Variants in PLA2R1 observed in about 807,000 individuals in gnomAD.
The protein encoded by PLA2R1 is phospholipase A2 receptor 1, also known as secretory phospholipase A2 receptor.
In PLA2R1, 158 loss-of-function variants were observed where a neutral mutation model predicts 195.9. That is an observed-to-expected ratio of 0.81 (90% CI 0.71 to 0.92). The LOEUF is 0.92. Among genes scored for constraint, PLA2R1 ranks in the 40% least tolerant of loss-of-function variants. The pLI, the probability that PLA2R1 is intolerant of heterozygous loss-of-function variation, is 0.00. For missense variants in PLA2R1, 1,626 were observed against 1,764.6 expected (o/e 0.92, Z 1.41); for synonymous variants, 586 against 598.2 (o/e 0.98, Z 0.30).
chr2:159,947,957 G>A (rs910496113), intron 25 of PLA2R1, among the ~76,000 whole-genome samples: 2 of 152,198 alleles, frequency 1.3e-5, no homozygotes, highest in Non-Finnish European at 2.9e-5. Flanking sequence ...ATGCAGTGCT[G>A]TGTATCACAG....
At chr2:159,960,739 A>T (rs1052427316) in intron 20 of PLA2R1, among the ~76,000 whole-genome samples, 2 of 152,222 alleles carry the variant, frequency 1.3e-5, no homozygotes, top group Non-Finnish European at 2.9e-5. Context: ...ATTATCAAAC[A>T]CAGAGAAAAC....
Position 160,019,061 on chromosome 2 carries a change from A to C in PLA2R1, c.1452+1045T>G, listed in dbSNP as rs146878226. 5.9e-5 allele frequency among the ~76,000 whole-genome samples: 9 copies of C among 152,258 alleles called. No individual in the cohort carries two copies. The East Asian group carries it at 1.7e-3, about 29-fold the overall frequency. On this transcript the variant is annotated intron_variant, in intron 8 of 29. Coordinates refer to ENST00000283243, the MANE Select transcript of PLA2R1 (RefSeq NM_007366.5). ...GATTAAGTCTGTTTTAGGCATAATA[A>C]ACTGTTCAAATGGCTTGGGATTAAG...
intron 1 of PLA2R1, among the ~76,000 whole-genome samples, chr2:160,050,654 G>A (rs987211735): frequency 1.2e-4 from 18 of 152,150 alleles, no homozygotes; most frequent in Non-Finnish European, 1.5e-5. Context: ...TAGGAACCCT[G>A]CAGACAGAAG....
rs1225720375 is a variant in PLA2R1 at position 160,043,493 on chromosome 2, C to A, written c.493+1281G>T. ...GGGCAAAAGGACCAGCAGTGGAGAGCCCCACCTCTTTCCCACAATTGGCAG... is the reference window on the plus strand; with the variant it reads ...GGGCAAAAGGACCAGCAGTGGAGAGACCCACCTCTTTCCCACAATTGGCAG... On this transcript the variant is annotated intron_variant, in intron 2 of 29. Transcript: ENST00000283243. Among the ~76,000 whole-genome samples, 3 of 152,256 alleles carry A rather than the reference C, an allele frequency of 2.0e-5. No individual in the cohort carries two copies. The East Asian group carries it at 5.8e-4, about 29-fold the overall frequency.
intron 6 of PLA2R1, among the ~76,000 whole-genome samples, chr2:160,026,963 G>A (rs1049846186): frequency 1.3e-5 from 2 of 152,100 alleles, no homozygotes; most frequent in East Asian, 1.9e-4. Flanking sequence ...GTGAAACCCC[G>A]TCTCTATAAA....
At chr2:159,927,533 T>C (rs1686520803), downstream of PLA2R1, among the ~76,000 whole-genome samples, 1 of 152,200 alleles carries the variant, frequency 6.6e-6, no homozygotes, top group African/African-American at 2.4e-5. Flanking sequence ...ATTTTGTATA[T>C]CTCCTCTGGG....
intron 1 of PLA2R1, among the ~76,000 whole-genome samples, chr2:160,045,900 T>C (rs1234675755): frequency 6.6e-6 from 1 of 152,132 alleles, no homozygotes; most frequent in Non-Finnish European, 1.5e-5. Flanking sequence ...AGAGGCCACA[T>C]GGACAGGCGG....
rs1482406628 is a variant in PLA2R1, at chr2:159,938,581, A to G, written c.*3197T>C. On this transcript the variant is annotated 3_prime_UTR_variant, in exon 30 of 30. Coordinates refer to ENST00000283243, the MANE Select transcript of PLA2R1 (RefSeq NM_007366.5). ...ATAAGACAGCACCAGGGACAGCCAGAATGAGGCCAAATCAAAGAGAACAGA... is the reference window on the plus strand; with the variant it reads ...ATAAGACAGCACCAGGGACAGCCAGGATGAGGCCAAATCAAAGAGAACAGA... 6.6e-6 allele frequency: 1 copy of G among 152,482 alleles called. No individual in the cohort carries two copies. The highest frequency in any genetic ancestry group is 1.5e-5 in the Non-Finnish European group (1 of 68,262). The allele number at this position is 152,482 out of a possible 1,614,324, so 9.4% of individuals were successfully genotyped here. A position where few individuals can be genotyped will look rare whatever the true frequency, so the allele number is the denominator to read the frequency against.
At chr2:160,016,770 A>T in intron 8 of PLA2R1, 58 bp from the exon 9 acceptor site, 1 of 749,480 alleles carries the variant, frequency 1.3e-6, no homozygotes, top group Non-Finnish European at 2.3e-6. Context: ...CCGATGGGCA[A>T]TAGCAATTCT....
chr2:160,016,263 C>CAAAAAAAA (rs11396932), intron 9 of PLA2R1, among the ~76,000 whole-genome samples: 5 of 103,080 alleles, frequency 4.9e-5, no homozygotes, highest in Non-Finnish European at 7.5e-5. Context: ...GACTCTGTCT[C>CAAAAAAAA]AAAAAAAAAA....
At chr2:159,978,248 C>A (rs756044380) in intron 14 of PLA2R1, among the ~76,000 whole-genome samples, 10 of 152,022 alleles carry the variant, frequency 6.6e-5, no homozygotes, top group African/African-American at 2.4e-4. Context: ...ATTCACATTA[C>A]GGGGGTATTA....
rs1044504525 is a variant in PLA2R1 at position 159,934,877 on chromosome 2, C to T, written c.*6901G>A. ...AGACTTTATTTTACTTTCCCATTTT[C>T]CCATAATGACCATTTTCTGTTCCAT... On this transcript the variant is annotated 3_prime_UTR_variant, in exon 30 of 30. Transcript: ENST00000283243. 2.6e-5 allele frequency: 4 copies of T among 152,168 alleles called. No individual in the cohort carries two copies. Among genetic ancestry groups the T allele is most frequent in the Admixed American group, 6.5e-5 (1 of 15,286 alleles). 9.4% of individuals were successfully genotyped at this position (152,168 alleles called of 1,614,324 possible).
chr2:159,985,565 A>G (rs981878215), intron 12 of PLA2R1, among the ~76,000 whole-genome samples: 6 of 151,974 alleles, frequency 3.9e-5, no homozygotes, highest in Non-Finnish European at 7.4e-5. Flanking sequence ...ATACACACAC[A>G]TACATACACA....
At chr2:160,032,049 G>A (rs963434730) in intron 4 of PLA2R1, among the ~76,000 whole-genome samples, 2 of 152,232 alleles carry the variant, frequency 1.3e-5, no homozygotes, top group African/African-American at 2.4e-5. Context: ...TTACTGGCGT[G>A]AGCCACTGCA....
rs1687089136 is a variant in PLA2R1, at chr2:159,941,633, A to T, written c.*145T>A. Reference sequence around the variant, plus strand: ...CCCATCTGATTTGGTTAAGATTCAAAACCAGTAATCACTTCAAGAATAATT... The same window carrying T: ...CCCATCTGATTTGGTTAAGATTCAATACCAGTAATCACTTCAAGAATAATT... On this transcript the variant is annotated 3_prime_UTR_variant, in exon 30 of 30. Transcript: ENST00000283243. The T allele has an allele frequency of 1.8e-6, 1 of 562,668 alleles. No individual in the cohort carries two copies. The highest frequency in any genetic ancestry group is 2.5e-5 in the South Asian group (1 of 40,056). 34.9% of individuals were successfully genotyped at this position (562,668 alleles called of 1,614,324 possible).
At chr2:160,035,018 G>C (rs913996857) in intron 3 of PLA2R1, among the ~76,000 whole-genome samples, 14 of 152,152 alleles carry the variant, frequency 9.2e-5, no homozygotes, top group African/African-American at 3.1e-4. Flanking sequence ...TTACCTTCAG[G>C]CTATGGGTAT....
chr2:159,981,917 G>C (rs189535741), intron 13 of PLA2R1, among the ~76,000 whole-genome samples: 98 of 152,228 alleles, frequency 6.4e-4, no homozygotes, highest in African/African-American at 2.3e-3. Context: ...GGCCTTAAGT[G>C]TTCCTCCCAC....
chr2:159,942,053 T>C, intron 29 of PLA2R1, 61 bp from the exon 30 acceptor site: 1 of 1,553,858 alleles, frequency 6.4e-7, no homozygotes, highest in South Asian at 1.1e-5. Flanking sequence ...GTAATATAGA[T>C]ACTGTCATAC....
At position 159,942,664 on chromosome 2, in the gene PLA2R1, A is replaced by C. The variant is rs533255914; in HGVS notation, c.4145-505T>G. Among the ~76,000 whole-genome samples, 137 of 152,316 alleles carry C rather than the reference A, an allele frequency of 9.0e-4. No individual in the cohort carries two copies. In the Middle Eastern group the frequency reaches 0.048, roughly 53 times the overall value. On this transcript the variant is annotated intron_variant, in intron 28 of 29. Coordinates refer to ENST00000283243, the MANE Select transcript of PLA2R1 (RefSeq NM_007366.5). ...AGCATCTTCTCACCTTTGTGATCTC[A>C]TGGGTCTTGGGGAATGAGCAACAGC...
Sources: allele counts gnomAD v4.1 joint callset (sites outside exome capture counted in the v4.1 genomes callset), GRCh38; gene constraint gnomAD v4.1.1; transcripts MANE v1.5; gene names NCBI Gene and HGNC (gene_info 2026-07-23, HGNC 2026-07-21).